The following SATL1 variants were observed in gnomAD, a reference collection of about 807,000 sequenced individuals.
The protein encoded by SATL1 is spermidine/spermine N(1)-acetyltransferase-like protein 1.
A neutral mutation model predicts 51.8 loss-of-function variants in SATL1; 47 were observed. That is an observed-to-expected ratio of 0.91 (90% CI 0.72 to 1.16). SATL1 has a LOEUF of 1.16. Among genes scored for constraint, SATL1 ranks in the 50% most tolerant of loss-of-function variants. The pLI is 0.00. For missense variants in SATL1, 520 were observed against 526.4 expected, an observed-to-expected ratio of 0.99 and a Z score of 0.12; for synonymous variants, 176 against 182.4, an observed-to-expected ratio of 0.97 and a Z score of 0.28.
At chrX:85,186,835 C>G (rs1927323073) in intron 2 of SATL1, among the ~76,000 whole-genome samples, 1 of 111,595 alleles carries the variant, frequency 9.0e-6, no homozygotes, top group Non-Finnish European at 1.9e-5. Context: ...TATGAAGGTG[C>G]TTTTTGTGTT....
intron 2 of SATL1, among the ~76,000 whole-genome samples, chrX:85,149,674 T>A (rs760138847): frequency 5.9e-4 from 65 of 110,474 alleles, no homozygotes; most frequent in African/African-American, 8.6e-4. Flanking sequence ...TCAAAACCAC[T>A]CAACTACATG....
chrX:85,154,246 T>C (rs1347071533), intron 2 of SATL1, among the ~76,000 whole-genome samples: 3 of 110,944 alleles, frequency 2.7e-5, no homozygotes, highest in Non-Finnish European at 5.7e-5. Flanking sequence ...ACTGTCCTAA[T>C]AGTGTGTGTT....
At chrX:85,194,102 T>G (rs1927500375) in intron 2 of SATL1, among the ~76,000 whole-genome samples, 1 of 111,984 alleles carries the variant, frequency 8.9e-6, no homozygotes, top group Non-Finnish European at 1.9e-5. Context: ...CATAGTACTT[T>G]CCACAATGGT....
intron 6 of SATL1, 30 bp downstream of exon 6, chrX:85,094,098 T>C: frequency 2.5e-6 from 2 of 788,002 alleles, no homozygotes; most frequent in Non-Finnish European, 3.9e-6. Context: ...TTAAAGTATT[T>C]AAAAGTAATA....
chrX:85,200,970 CA>C (rs1927675277), intron 2 of SATL1, among the ~76,000 whole-genome samples: 1 of 110,838 alleles, frequency 9.0e-6, no homozygotes, highest in Admixed American at 9.7e-5. Flanking sequence ...GAACATGAGT[CA>C]GATTCTCTCA....
intron 2 of SATL1, among the ~76,000 whole-genome samples, chrX:85,130,643 T>G (rs761084966): frequency 1.8e-5 from 2 of 111,841 alleles, no homozygotes; most frequent in South Asian, 7.5e-4. Context: ...TGTCTCTATC[T>G]CCTTCTGTTC....
At chrX:85,160,540 A>G (rs1926695553) in intron 2 of SATL1, among the ~76,000 whole-genome samples, 2 of 110,972 alleles carry the variant, frequency 1.8e-5, no homozygotes, top group African/African-American at 6.6e-5. Flanking sequence ...TCATAATGCA[A>G]TCCCAAGTAG....
intron 2 of SATL1, among the ~76,000 whole-genome samples, chrX:85,187,245 G>A (rs1257656317): frequency 9.0e-6 from 1 of 111,224 alleles, no homozygotes. Flanking sequence ...GTATTCTTTA[G>A]GTTTCTCTCT....
intron 2 of SATL1, among the ~76,000 whole-genome samples, chrX:85,140,555 G>C (rs1008795681): frequency 8.9e-6 from 1 of 111,837 alleles, no homozygotes; most frequent in Non-Finnish European, 1.9e-5. Context: ...ATGGACTCTT[G>C]TTATTATAAG....
intron 2 of SATL1, among the ~76,000 whole-genome samples, chrX:85,158,797 G>A (rs1393591777): frequency 1.8e-5 from 2 of 111,043 alleles, no homozygotes; most frequent in African/African-American, 3.3e-5. Context: ...ATAATAATCC[G>A]ATTTTCTAAA....
Position 85,100,077 on chromosome X carries a change from G to A in SATL1, c.1693+3787C>T, listed in dbSNP as rs868766707. On this transcript the variant is annotated intron_variant, in intron 4 of 7. Coordinates refer to ENST00000644105, the MANE Select transcript of SATL1 (RefSeq NM_001367857.2). ...AAAAATTAGCCAGGTGTGGTGGCAT[G>A]TGCCTGTAATCCCAGCTACTCGGGA... is the stretch of plus-strand genomic sequence containing the variant. Among the ~76,000 whole-genome samples, 5 of 112,200 alleles carry A rather than the reference G, an allele frequency of 4.5e-5. No individual in the cohort carries two copies. The South Asian group carries it at 1.5e-3, about 33-fold the overall frequency.
At chrX:85,131,084 G>A (rs1046399137) in intron 2 of SATL1, among the ~76,000 whole-genome samples, 2 of 111,715 alleles carry the variant, frequency 1.8e-5, no homozygotes, top group African/African-American at 6.5e-5. Context: ...GTCAATTTTG[G>A]AATAAGTGTG....
Position 85,109,127 on chromosome X carries a change from C to T in SATL1, c.-159G>A. Reference sequence around the variant, plus strand: ...TCCCAGTTCTTCTCAATTTGATTCGCCCACTTTGAGATACCCCTCTATCAA... The same window carrying T: ...TCCCAGTTCTTCTCAATTTGATTCGTCCACTTTGAGATACCCCTCTATCAA... On this transcript the variant is annotated 5_prime_UTR_variant, in exon 3 of 8. Coordinates refer to ENST00000644105, the MANE Select transcript of SATL1 (RefSeq NM_001367857.2). 1 of 502,688 alleles carries T rather than the reference C, an allele frequency of 2.0e-6. No homozygotes were observed. Among genetic ancestry groups the T allele is most frequent in the Admixed American group, 3.9e-5 (1 of 25,502 alleles). 41.4% of individuals were successfully genotyped at this position (502,688 alleles called of 1,213,427 possible).
At chrX:85,102,040 TA>T (rs1330923316) in intron 4 of SATL1, among the ~76,000 whole-genome samples, 3 of 105,231 alleles carry the variant, frequency 2.9e-5, no homozygotes, top group African/African-American at 1.0e-4. Context: ...AATGGGGATT[TA>T]TTTTTTTTAA....
intron 2 of SATL1, among the ~76,000 whole-genome samples, chrX:85,140,422 G>A (rs1381157556): frequency 8.9e-6 from 1 of 111,849 alleles, no homozygotes; most frequent in African/African-American, 3.2e-5. Context: ...GAAGCACAGA[G>A]AGATTAGGTA....
chrX:85,142,916 C>T (rs953305068), intron 2 of SATL1: 4 of 111,454 alleles, frequency 3.6e-5, no homozygotes, highest in Non-Finnish European at 7.5e-5. Flanking sequence ...TCTTTTTCTG[C>T]CCTCTTCCAC....
chrX:85,158,879 T>C (rs1926653218), intron 2 of SATL1, among the ~76,000 whole-genome samples: 1 of 111,969 alleles, frequency 8.9e-6, no homozygotes, highest in Admixed American at 9.5e-5. Flanking sequence ...AAATTGAAAG[T>C]AGGAGGAGAC....
At chrX:85,220,577 A>G (rs1928149826) in intron 2 of SATL1, among the ~76,000 whole-genome samples, 1 of 98,203 alleles carries the variant, frequency 1.0e-5, no homozygotes, top group African/African-American at 3.7e-5. Context: ...CCACAGCAGC[A>G]TAGGGCACCG....
intron 2 of SATL1, among the ~76,000 whole-genome samples, chrX:85,151,049 T>C (rs1290816493): frequency 9.1e-6 from 1 of 109,893 alleles, no homozygotes; most frequent in Non-Finnish European, 1.9e-5. Flanking sequence ...GATGACATGA[T>C]TGTATATCTA....
Sources: allele counts gnomAD v4.1 joint callset (sites outside exome capture counted in the v4.1 genomes callset), GRCh38; gene constraint gnomAD v4.1.1; transcripts MANE v1.5; gene names NCBI Gene and HGNC (gene_info 2026-07-23, HGNC 2026-07-21).